The following ESRRG variants were observed in gnomAD, a reference collection of about 807,000 sequenced individuals.
The protein encoded by ESRRG is estrogen-related receptor gamma.
A neutral mutation model predicts 44.0 loss-of-function variants in ESRRG; 13 were observed. That is an observed-to-expected ratio of 0.30 (90% confidence interval 0.19 to 0.47). ESRRG has a LOEUF of 0.47. Ranked by LOEUF, ESRRG falls within the 20% of genes least tolerant of loss-of-function variation. The probability of loss-of-function intolerance (pLI) is 1.00; values close to 1 mark genes in which losing one functional copy is unlikely to be tolerated. For missense variants in ESRRG, 395 were observed against 580.6 expected (o/e 0.68, Z 3.29); for synonymous variants, 215 against 214.6 (o/e 1.00, Z -0.02).
chr1:216,616,239 G>A (rs980961642), intron 3 of ESRRG, among the ~76,000 whole-genome samples: 10 of 152,056 alleles, frequency 6.6e-5, no homozygotes, highest in African/African-American at 1.2e-4. Context: ...ACCCAAACCC[G>A]TGGGTGCAGG....
chr1:216,613,829 G>C (rs2061009997), intron 3 of ESRRG, among the ~76,000 whole-genome samples: 1 of 152,200 alleles, frequency 6.6e-6, no homozygotes, highest in African/African-American at 2.4e-5. Flanking sequence ...ATATGAATAG[G>C]AGAACTAGTT....
chr1:217,103,718 A>G (rs2092553113), intron 1 of ESRRG, among the ~76,000 whole-genome samples: 1 of 151,932 alleles, frequency 6.6e-6, no homozygotes. Context: ...GAATGACATG[A>G]TTGTACTTAT....
At chr1:216,876,380 T>C (rs917068096) in intron 2 of ESRRG, among the ~76,000 whole-genome samples, 2 of 152,154 alleles carry the variant, frequency 1.3e-5, no homozygotes, top group African/African-American at 2.4e-5. Flanking sequence ...TGGGGCTGCC[T>C]GGGGAATGTT....
At chr1:217,117,695 A>G (rs2092749999) in intron 1 of ESRRG, among the ~76,000 whole-genome samples, 1 of 152,234 alleles carries the variant, frequency 6.6e-6, no homozygotes, top group African/African-American at 2.4e-5. Context: ...ATTATTATAT[A>G]TGTTATTAAA....
intron 2 of ESRRG, among the ~76,000 whole-genome samples, chr1:216,908,561 T>G (rs939294691): frequency 6.6e-6 from 1 of 152,184 alleles, no homozygotes; most frequent in Non-Finnish European, 1.5e-5. Context: ...AATTTCAGCT[T>G]GCTAGGACAG....
At chr1:216,666,727 C>T (rs1014731611) in intron 2 of ESRRG, among the ~76,000 whole-genome samples, 5 of 152,216 alleles carry the variant, frequency 3.3e-5, no homozygotes, top group African/African-American at 1.2e-4. Flanking sequence ...CACCCGCTTC[C>T]TGAAAGTCCA....
At chr1:216,662,379 A>G (rs1223026476) in intron 2 of ESRRG, among the ~76,000 whole-genome samples, 1 of 152,154 alleles carries the variant, frequency 6.6e-6, no homozygotes, top group Non-Finnish European at 1.5e-5. Context: ...AAAGAAGGTA[A>G]AACATTCAAA....
At chr1:216,869,624 G>T (rs1353928838) in intron 2 of ESRRG, among the ~76,000 whole-genome samples, 1 of 151,980 alleles carries the variant, frequency 6.6e-6, no homozygotes, top group Non-Finnish European at 1.5e-5. Flanking sequence ...TAAATCTATT[G>T]ATCAAATTGG....
chr1:216,959,039 C>T (rs750955655), intron 1 of ESRRG, among the ~76,000 whole-genome samples: 1 of 151,960 alleles, frequency 6.6e-6, no homozygotes, highest in African/African-American at 2.4e-5. Flanking sequence ...TTAGTTCCTT[C>T]GTCCCTCTCT....
At chr1:217,110,338 C>A (rs2092647381) in intron 1 of ESRRG, among the ~76,000 whole-genome samples, 1 of 152,210 alleles carries the variant, frequency 6.6e-6, no homozygotes, top group African/African-American at 2.4e-5. Context: ...AATTGGACTA[C>A]TTCTCATCAC....
chr1:216,961,194 G>T (rs6604650), intron 1 of ESRRG, among the ~76,000 whole-genome samples: 1 of 152,102 alleles, frequency 6.6e-6, no homozygotes, highest in African/African-American at 2.4e-5. Context: ...TGTAAATTGT[G>T]CTGAGATAAC....
chr1:216,580,040 T>C (rs2062445427), intron 3 of ESRRG, among the ~76,000 whole-genome samples: 1 of 152,188 alleles, frequency 6.6e-6, no homozygotes, highest in Non-Finnish European at 1.5e-5. Flanking sequence ...GACATACTAA[T>C]TGAAAAAGCT....
chr1:216,553,400 T>C (rs754613810), intron 5 of ESRRG, among the ~76,000 whole-genome samples: 1 of 152,130 alleles, frequency 6.6e-6, no homozygotes, highest in Non-Finnish European at 1.5e-5. Flanking sequence ...ACTGGGTAGG[T>C]GTGTTGCTGA....
chr1:217,094,841 G>A (rs1212984182), intron 1 of ESRRG, among the ~76,000 whole-genome samples: 1 of 152,180 alleles, frequency 6.6e-6, no homozygotes, highest in African/African-American at 2.4e-5. Context: ...GGGAAAGTAG[G>A]CAGCCAATCA....
chr1:216,694,380 A>C (rs1023624303), intron 1 of ESRRG, among the ~76,000 whole-genome samples: 2 of 152,092 alleles, frequency 1.3e-5, no homozygotes, highest in African/African-American at 4.8e-5. Context: ...TGGAATCAGA[A>C]ATGGGTTCAG....
chr1:216,883,577 A>G (rs142963738), intron 2 of ESRRG, among the ~76,000 whole-genome samples: 186 of 152,156 alleles, frequency 1.2e-3, no homozygotes, highest in Non-Finnish European at 2.1e-3. Context: ...ACAAAAAGGT[A>G]AAGCTCTAAG....
intron 5 of ESRRG, among the ~76,000 whole-genome samples, chr1:216,523,490 G>GTTTTTTTTTTT (rs749747909): frequency 1.6e-5 from 2 of 126,326 alleles, no homozygotes; most frequent in Non-Finnish European, 3.3e-5. Context: ...ATCAAGCACT[G>GTTTTTTTTTTT]TTTTTTTTTT....
intron 1 of ESRRG, among the ~76,000 whole-genome samples, chr1:217,059,642 T>C (rs931656933): frequency 3.9e-5 from 6 of 152,114 alleles, no homozygotes; most frequent in Non-Finnish European, 7.4e-5. Context: ...TCAATAATGA[T>C]TGTAGTCTTT....
intron 1 of ESRRG, among the ~76,000 whole-genome samples, chr1:217,029,638 C>T (rs998284255): frequency 1.3e-5 from 2 of 152,186 alleles, no homozygotes; most frequent in Non-Finnish European, 2.9e-5. Context: ...TAACTACCGC[C>T]AGACCAATTC....
Sources: allele counts gnomAD v4.1 joint callset (sites outside exome capture counted in the v4.1 genomes callset), GRCh38; gene constraint gnomAD v4.1.1; transcripts MANE v1.5; gene names NCBI Gene and HGNC (gene_info 2026-07-23, HGNC 2026-07-21).